Variants in TSEN2 observed in about 807,000 individuals in gnomAD.
The protein encoded by TSEN2 is tRNA-splicing endonuclease subunit Sen2.
TSEN2 carries 54 observed loss-of-function variants against 59.2 expected under a neutral mutation model. The observed-to-expected ratio is 0.91, with a 90% CI of 0.73 to 1.14. The LOEUF is 1.14. Among genes scored for constraint, TSEN2 ranks in the 50% most tolerant of loss-of-function variants. The pLI, the probability that TSEN2 is intolerant of heterozygous loss-of-function variation, is 0.00. For missense variants in TSEN2, 636 were observed against 576.2 expected (o/e 1.10, Z -1.06); for synonymous variants, 195 against 198.2 (o/e 0.98, Z 0.14).
At chr3:12,509,192 G>GT (rs201280063) in intron 6 of TSEN2, among the ~76,000 whole-genome samples, 2,804 of 136,520 alleles carry the variant, frequency 0.021, 46 homozygotes, top group South Asian at 0.061. Flanking sequence ...GTTTTTTTTG[G>GT]TTTTTTTTGT....
At chr3:12,492,358 A>G (rs1057037539) in intron 3 of TSEN2, 141 bp downstream of exon 3, 50 of 691,980 alleles carry the variant, frequency 7.2e-5, no homozygotes, top group Non-Finnish European at 1.2e-4. Context: ...TAGCTAGAAT[A>G]ATTCTAATCA....
chr3:12,534,293 C>T (rs565554716), downstream of TSEN2, among the ~76,000 whole-genome samples: 4 of 152,232 alleles, frequency 2.6e-5, no homozygotes, highest in East Asian at 7.7e-4. Context: ...ACCTATGGAT[C>T]CAAGGGTAAG....
Position 12,519,070 on chromosome 3 carries a change from G to A in TSEN2, c.972G>A (p.Thr324=), listed in dbSNP as rs775135022. The A allele has an allele frequency of 4.5e-5, 73 of 1,613,942 alleles. No individual in the cohort carries two copies. The highest frequency in any genetic ancestry group is 1.6e-4 in the Middle Eastern group (1 of 6,084). The stretch of plus-strand genomic sequence containing the variant: ...GTAAATAACTTTAGGAGCCTTTAAC[G>A]ATAGTGAAGCTCTGGAAAGCTTTCA... ...LSIYYEKEPL[T]IVKLWKAFTV... is the part of the protein sequence containing the mutation. Residue 324 remains threonine (T), a synonymous_variant, in exon 8 of 12, where the codon ACG becomes ACA. Coordinates refer to ENST00000284995, the MANE Select transcript of TSEN2 (RefSeq NM_025265.4).
chr3:12,507,357 C>T (rs1408376484), intron 6 of TSEN2, among the ~76,000 whole-genome samples: 3 of 152,150 alleles, frequency 2.0e-5, no homozygotes, highest in South Asian at 4.2e-4. Context: ...CACATGTACC[C>T]GTTCTTAGAT....
chr3:12,482,816 T>G (rs577814472), upstream of TSEN2, among the ~76,000 whole-genome samples: 63 of 152,320 alleles, frequency 4.1e-4, no homozygotes, highest in African/African-American at 1.5e-3. Context: ...CTAAAACCAG[T>G]ATTTCTTAAA....
chr3:12,503,080 AAAAAGAAAG>A (rs1372140812), intron 4 of TSEN2, among the ~76,000 whole-genome samples, 173 bp from the exon 5 acceptor site: 2 of 152,170 alleles, frequency 1.3e-5, no homozygotes, highest in African/African-American at 4.8e-5. Context: ...AAAAAAATAA[AAAAAGAAAG>A]AAAAGAAAAT....
At chr3:12,534,401 A>T (rs777763477), downstream of TSEN2, among the ~76,000 whole-genome samples, 20 of 152,200 alleles carry the variant, frequency 1.3e-4, no homozygotes, top group Non-Finnish European at 1.3e-4. Context: ...AATGCTTCAA[A>T]TCTCAGCTCT....
intron 3 of TSEN2, among the ~76,000 whole-genome samples, chr3:12,495,982 C>G (rs1299852761): frequency 6.6e-6 from 1 of 152,176 alleles, no homozygotes; most frequent in Non-Finnish European, 1.5e-5. Flanking sequence ...CCTCATCAGG[C>G]TGGTCTTCAA....
intron 6 of TSEN2, among the ~76,000 whole-genome samples, chr3:12,506,256 T>C (rs747440377): frequency 2.0e-5 from 3 of 152,156 alleles, no homozygotes; most frequent in Non-Finnish European, 4.4e-5. Flanking sequence ...TGGATTTATT[T>C]CCTTCTGCAG....
In TSEN2 at chr3:12,532,696, A is replaced by G; in HGVS notation, c.1373A>G (p.Glu458Gly). Residue 458 changes from glutamate (E) to glycine (G), a missense_variant, in exon 12 of 12, where the codon GAG becomes GGG. By Grantham distance (98) the Glu-to-Gly change is moderately conservative. Transcript: ENST00000284995. ...CTGAGTCGATGGGTTTCTTCACGAG[A>G]GAGGAGTGACCAAGACGATCTTTAA... ...VILSRWVSSRERSDQDDL is the reference protein window; with the variant it reads ...VILSRWVSSRGRSDQDDL The G allele has an allele frequency of 6.2e-7, 1 of 1,614,074 alleles. No homozygotes were observed. The highest frequency in any genetic ancestry group is 8.5e-7 in the Non-Finnish European group (1 of 1,180,022).
At chr3:12,516,442 ATATATGTGTGTGTGTGTGTGTGTG>A (rs1180525700) in intron 6 of TSEN2, among the ~76,000 whole-genome samples, 145 bp from the exon 7 acceptor site, 1 of 89,098 alleles carries the variant, frequency 1.1e-5, no homozygotes, top group African/African-American at 4.1e-5. Context: ...AACAAACAAA[ATATATGTGTGTGTGTGTGTGTGTG>A]TGTGTGTGTG....
chr3:12,527,529 C>T (rs932936274), intron 8 of TSEN2, among the ~76,000 whole-genome samples: 1 of 150,690 alleles, frequency 6.6e-6, no homozygotes, highest in African/African-American at 2.4e-5. Context: ...TCTCGGCTCA[C>T]TGCAAGCTCC....
At chr3:12,525,080 T>G (rs1395782178) in intron 8 of TSEN2, among the ~76,000 whole-genome samples, 1 of 152,272 alleles carries the variant, frequency 6.6e-6, no homozygotes, top group East Asian at 1.9e-4. Context: ...CCTTCTTGTT[T>G]CGTTTGTCAT....
chr3:12,498,793 A>G (rs2054007626), intron 4 of TSEN2, among the ~76,000 whole-genome samples: 1 of 152,232 alleles, frequency 6.6e-6, no homozygotes, highest in Non-Finnish European at 1.5e-5. Context: ...ACGTCCCCCA[A>G]CCAAAACCAA....
chr3:12,521,737 C>T (rs551069048), intron 8 of TSEN2, among the ~76,000 whole-genome samples: 56 of 151,754 alleles, frequency 3.7e-4, no homozygotes, highest in African/African-American at 1.2e-3. Context: ...ATAGGCTGGG[C>T]GCGGTGGCTC....
chr3:12,482,525 T>C (rs1407599823), upstream of TSEN2, among the ~76,000 whole-genome samples: 1 of 151,856 alleles, frequency 6.6e-6, no homozygotes, highest in Non-Finnish European at 1.5e-5. Flanking sequence ...TTGGGGAAAA[T>C]TTCTTTCTTT....
chr3:12,485,831 C>T (rs192002256), intron 1 of TSEN2, among the ~76,000 whole-genome samples: 49 of 152,290 alleles, frequency 3.2e-4, no homozygotes, highest in African/African-American at 1.1e-3. Flanking sequence ...GCACCTCAGG[C>T]ACCGCTCTTC....
At chr3:12,524,646 C>G (rs1453763425) in intron 8 of TSEN2, among the ~76,000 whole-genome samples, 1 of 152,110 alleles carries the variant, frequency 6.6e-6, no homozygotes, top group Non-Finnish European at 1.5e-5. Flanking sequence ...AAGTCACATT[C>G]CACATTCCAG....
At chr3:12,501,080 A>T (rs2054238806) in intron 4 of TSEN2, among the ~76,000 whole-genome samples, 1 of 152,332 alleles carries the variant, frequency 6.6e-6, no homozygotes, top group Non-Finnish European at 1.5e-5. Flanking sequence ...GCTTATGTTG[A>T]TATGAAGAGC....
Sources: allele counts gnomAD v4.1 joint callset (sites outside exome capture counted in the v4.1 genomes callset), GRCh38; gene constraint gnomAD v4.1.1; transcripts MANE v1.5; gene names NCBI Gene and HGNC (gene_info 2026-07-23, HGNC 2026-07-21).